Variants in RAD18 observed in about 807,000 individuals in gnomAD.
RAD18 encodes the protein E3 ubiquitin-protein ligase RAD18.
A neutral mutation model predicts 60.4 loss-of-function variants in RAD18; 47 were observed. The ratio of observed to expected loss-of-function variants is 0.78; its 90% CI spans 0.62 to 0.99. The LOEUF (loss-of-function observed/expected upper bound fraction) is 0.99. Ranked by LOEUF, RAD18 falls within the 50% of genes least tolerant of loss-of-function variation. The pLI, the probability that RAD18 is intolerant of heterozygous loss-of-function variation, is 0.00. For synonymous variants in RAD18, 225 were observed against 195.5 expected (o/e 1.15, Z -1.26); for missense variants, 640 against 593.3 (o/e 1.08, Z -0.82).
chr3:8,918,340 A>AG (rs1940246741), intron 7 of RAD18, among the ~76,000 whole-genome samples: 1 of 144,194 alleles, frequency 6.9e-6, no homozygotes, highest in African/African-American at 2.5e-5. Flanking sequence ...AAAAAAAAAA[A>AG]GGGAAATTAT....
chr3:8,890,452 C>T lies in RAD18; in HGVS notation c.1323-1G>A. The T allele has an allele frequency of 1.9e-6, 3 of 1,578,330 alleles. No individual in the cohort carries two copies. Among genetic ancestry groups the T allele is most frequent in the Non-Finnish European group, 2.6e-6 (3 of 1,147,556 alleles). On this transcript the variant is annotated splice_acceptor_variant, in intron 11 of 12. Transcript: ENST00000264926. LOFTEE classifies it high-confidence loss of function. ...ATCTCTTATGATGTCTGAACTGGAA[C>T]TAAAAGGATATGTACATCAGTATTG...
intron 1 of RAD18, 48 bp from the exon 2 acceptor site, chr3:8,959,049 G>C: frequency 6.7e-7 from 1 of 1,489,074 alleles, no homozygotes. Context: ...CATCAAAATT[G>C]GAAGTCCTGT....
At chr3:8,907,820 G>A (rs542898328) in intron 9 of RAD18, among the ~76,000 whole-genome samples, 5 of 152,062 alleles carry the variant, frequency 3.3e-5, no homozygotes, top group East Asian at 1.9e-4. Flanking sequence ...TTTCTAAGAC[G>A]CTGGACAAGA....
At chr3:8,920,093 T>G (rs1940288239) in intron 7 of RAD18, among the ~76,000 whole-genome samples, 1 of 152,066 alleles carries the variant, frequency 6.6e-6, no homozygotes, top group Non-Finnish European at 1.5e-5. Flanking sequence ...CCTTCCTGGC[T>G]AACACGGTGA....
At chr3:8,944,927 C>T (rs890458708) in intron 4 of RAD18, among the ~76,000 whole-genome samples, 2 of 152,128 alleles carry the variant, frequency 1.3e-5, no homozygotes, top group Non-Finnish European at 2.9e-5. Context: ...TTCCCATCCA[C>T]CAGCTCTGCA....
intron 11 of RAD18, among the ~76,000 whole-genome samples, chr3:8,896,353 G>A (rs536038223): frequency 2.0e-5 from 3 of 152,232 alleles, no homozygotes; most frequent in East Asian, 3.9e-4. Flanking sequence ...TCATAAACCT[G>A]TAACTTTAAT....
intron 12 of RAD18, among the ~76,000 whole-genome samples, chr3:8,884,679 C>G (rs1939526372): frequency 6.6e-6 from 1 of 152,140 alleles, no homozygotes; most frequent in Non-Finnish European, 1.5e-5. Flanking sequence ...TAGCTGGCAA[C>G]AGACACAGCT....
chr3:8,901,217 C>T (rs1939906634), intron 10 of RAD18, among the ~76,000 whole-genome samples: 1 of 152,186 alleles, frequency 6.6e-6, no homozygotes, highest in South Asian at 2.1e-4. Context: ...AACCCTCATG[C>T]TTCGCTGGTG....
intron 7 of RAD18, among the ~76,000 whole-genome samples, chr3:8,915,159 A>AAAAG (rs1347612330): frequency 2.0e-5 from 3 of 151,334 alleles, no homozygotes; most frequent in Non-Finnish European, 3.0e-5. Flanking sequence ...AAAAAAAAAA[A>AAAAG]AAAAAGAAAA....
At chr3:8,951,759 T>C (rs1195057949) in intron 2 of RAD18, among the ~76,000 whole-genome samples, 2 of 152,264 alleles carry the variant, frequency 1.3e-5, no homozygotes, top group Non-Finnish European at 1.5e-5. Context: ...AAAGCATTTC[T>C]TAGCTTGAGC....
intron 4 of RAD18, chr3:8,946,905 A>G: frequency 4.4e-6 from 1 of 228,110 alleles, no homozygotes; most frequent in African/African-American, 2.3e-5. Context: ...CAAGAAGAGG[A>G]GCTCCTTGGA....
intron 2 of RAD18, among the ~76,000 whole-genome samples, chr3:8,955,512 A>C (rs1373229588): frequency 1.3e-5 from 2 of 152,228 alleles, no homozygotes; most frequent in Non-Finnish European, 2.9e-5. Context: ...CTGGGAGAGA[A>C]TAGTGGAGTG....
chr3:8,898,777 G>A (rs926746338), intron 11 of RAD18, 117 bp downstream of exon 11: 3 of 896,218 alleles, frequency 3.3e-6, no homozygotes, highest in South Asian at 4.4e-5. Flanking sequence ...GGACTGAAAT[G>A]TAAGAGTGAC....
At chr3:8,933,098 A>AAATG in intron 7 of RAD18, among the ~76,000 whole-genome samples, 1 of 95,384 alleles carries the variant, frequency 1.0e-5, no homozygotes, top group Admixed American at 1.1e-4. Context: ...TCTGTCTCAA[A>AAATG]AATAAATAAA....
intron 12 of RAD18, among the ~76,000 whole-genome samples, chr3:8,884,809 CA>C (rs1939529495): frequency 6.6e-6 from 1 of 152,184 alleles, no homozygotes; most frequent in Non-Finnish European, 1.5e-5. Flanking sequence ...CCCTAAGATG[CA>C]AGAATCCTAA....
At chr3:8,947,497 A>G (rs959825756) in intron 3 of RAD18, among the ~76,000 whole-genome samples, 3 of 152,190 alleles carry the variant, frequency 2.0e-5, no homozygotes, top group African/African-American at 7.2e-5. Context: ...GAAGTCTGAT[A>G]AAAGCTCTCC....
chr3:8,941,357 T>C, intron 5 of RAD18, 110 bp downstream of exon 5: 1 of 953,432 alleles, frequency 1.0e-6, no homozygotes, highest in Non-Finnish European at 1.5e-6. Flanking sequence ...TATGGTAAAA[T>C]CTGGTTTGTC....
At chr3:8,959,431 T>A (rs184009107) in intron 1 of RAD18, among the ~76,000 whole-genome samples, 1 of 152,210 alleles carries the variant, frequency 6.6e-6, no homozygotes, top group Non-Finnish European at 1.5e-5. Context: ...AATCAAAGAA[T>A]GTTAAAGCCA....
Position 8,881,738 on chromosome 3 carries a change from G to A in RAD18, c.1386-279C>T, listed in dbSNP as rs1327987918. ...AGCATGTAGAGGGCTGGGAAAAAAC[G>A]GCAAACAAAAAGCTGCTCCCATCCT... On this transcript the variant is annotated intron_variant, in intron 12 of 12. Coordinates refer to ENST00000264926, the MANE Select transcript of RAD18 (RefSeq NM_020165.4). 2.6e-5 allele frequency among the ~76,000 whole-genome samples: 4 copies of A among 152,062 alleles called. No homozygotes were observed. The South Asian group carries it at 6.2e-4, about 24-fold the overall frequency.
Sources: allele counts gnomAD v4.1 joint callset (sites outside exome capture counted in the v4.1 genomes callset), GRCh38; gene constraint gnomAD v4.1.1; transcripts MANE v1.5; gene names NCBI Gene and HGNC (gene_info 2026-07-23, HGNC 2026-07-21).